Variants in EXOC4 observed in about 807,000 individuals in gnomAD.
EXOC4 encodes the protein exocyst complex component 4, also known as SEC8-like 1.
In EXOC4, 71 loss-of-function variants were observed where a neutral mutation model predicts 107.2. The ratio of observed to expected loss-of-function variants is 0.66; its 90% confidence interval spans 0.55 to 0.81. The LOEUF (loss-of-function observed/expected upper bound fraction) is 0.81, where lower values mean the gene tolerates loss of function less well. Ranked by LOEUF, EXOC4 falls within the 30% of genes least tolerant of loss-of-function variation. EXOC4 has a pLI of 0.00. For synonymous variants in EXOC4, 456 were observed against 441.2 expected, an observed-to-expected ratio of 1.03 and a Z score of -0.42; for missense variants, 1,108 against 1,189.6, an observed-to-expected ratio of 0.93 and a Z score of 1.01.
In EXOC4 at chr7:133,776,101, G is replaced by A. The variant is rs565107251; in HGVS notation, c.1515-41224G>A. Among the ~76,000 whole-genome samples, 4 of 152,254 alleles carry A rather than the reference G, an allele frequency of 2.6e-5. No homozygotes were observed. The East Asian group carries it at 7.7e-4, about 29-fold the overall frequency. On this transcript the variant is annotated intron_variant, in intron 10 of 17. Coordinates refer to ENST00000253861, the MANE Select transcript of EXOC4 (RefSeq NM_021807.4). ...TTTCTAGCTGGGCTAGAAAGCTAAA[G>A]CAAGTAGGGACTTCAAGTTGCAAGC...
At chr7:133,424,271 T>C (rs1185383437) in intron 7 of EXOC4, among the ~76,000 whole-genome samples, 2 of 152,212 alleles carry the variant, frequency 1.3e-5, no homozygotes, top group East Asian at 3.9e-4. Context: ...TCTTATGAGC[T>C]GTAACACTCA....
In EXOC4 at chr7:133,480,030, T is replaced by TC; in HGVS notation, c.1329-16dup. ...ATTGGTTTACACCTGCTTGTCTGTTTCCCCTGTGTTTCTCTGCAGGTTCGA... is the reference window on the plus strand; with the variant it reads ...ATTGGTTTACACCTGCTTGTCTGTTTCCCCCTGTGTTTCTCTGCAGGTTCGA... On this transcript the variant is annotated intron_variant, in intron 8 of 17. Coordinates refer to ENST00000253861, the MANE Select transcript of EXOC4 (RefSeq NM_021807.4). 6.2e-7 allele frequency: 1 copy of TC among 1,607,164 alleles called. No individual in the cohort carries two copies. The highest frequency in any genetic ancestry group is 1.7e-4 in the Middle Eastern group (1 of 6,030).
At chr7:133,628,997 A>C (rs751167764) in intron 9 of EXOC4, among the ~76,000 whole-genome samples, 8 of 152,208 alleles carry the variant, frequency 5.3e-5, no homozygotes, top group Non-Finnish European at 1.2e-4. Context: ...AGGACATTGA[A>C]AACTCTTTAG....
intron 9 of EXOC4, among the ~76,000 whole-genome samples, chr7:133,597,324 C>A (rs1047614427): frequency 6.6e-6 from 1 of 151,714 alleles, no homozygotes; most frequent in Admixed American, 6.6e-5. Flanking sequence ...GAGGCCGAGG[C>A]GGGTGGATCA....
At chr7:134,079,586 G>C in the EXOC4 span, among the ~76,000 whole-genome samples, 1 of 152,186 alleles carries the variant, frequency 6.6e-6, no homozygotes, top group African/African-American at 2.4e-5. Context: ...CCTCTGGAGA[G>C]TGTGTTCTGG....
At chr7:133,445,226 T>G (rs997613259) in intron 7 of EXOC4, among the ~76,000 whole-genome samples, 3 of 152,220 alleles carry the variant, frequency 2.0e-5, no homozygotes, top group Non-Finnish European at 1.5e-5. Context: ...CATAGGTTTC[T>G]GATCTTCAGA....
At chr7:133,438,635 A>T (rs1159685349) in intron 7 of EXOC4, among the ~76,000 whole-genome samples, 3 of 152,170 alleles carry the variant, frequency 2.0e-5, no homozygotes, top group Non-Finnish European at 4.4e-5. Context: ...AGAGCCAAAC[A>T]TCCCAAGTTT....
chr7:133,659,000 C>CTT (rs397890140), intron 10 of EXOC4, among the ~76,000 whole-genome samples: 838 of 40,146 alleles, frequency 0.021, 218 homozygotes, highest in South Asian at 0.068. Context: ...TTCAGAGAAG[C>CTT]TTTTTTTTTT....
At chr7:133,965,700 C>T (rs755628678) in intron 14 of EXOC4, among the ~76,000 whole-genome samples, 9 of 152,100 alleles carry the variant, frequency 5.9e-5, no homozygotes, top group Admixed American at 1.3e-4. Context: ...GTTTTGGTAT[C>T]GGTACCATGC....
At chr7:133,339,781 C>T (rs1171732472) in intron 5 of EXOC4, among the ~76,000 whole-genome samples, 2 of 152,048 alleles carry the variant, frequency 1.3e-5, no homozygotes, top group African/African-American at 2.4e-5. Context: ...TATTGTAAAA[C>T]AGGTTGAGTT....
At chr7:133,410,524 C>A (rs886940531) in intron 7 of EXOC4, among the ~76,000 whole-genome samples, 7 of 152,080 alleles carry the variant, frequency 4.6e-5, no homozygotes, top group Admixed American at 3.9e-4. Context: ...GGGGTTATTT[C>A]ATTATCAGCA....
intron 5 of EXOC4, among the ~76,000 whole-genome samples, chr7:133,355,753 G>A (rs1796007246): frequency 6.6e-6 from 1 of 151,202 alleles, no homozygotes; most frequent in Admixed American, 6.6e-5. Context: ...AAGAAAAATA[G>A]GTTGTTCTTT....
intron 9 of EXOC4, among the ~76,000 whole-genome samples, chr7:133,574,305 A>C (rs550045849): frequency 6.6e-6 from 1 of 152,340 alleles, no homozygotes; most frequent in African/African-American, 2.4e-5. Flanking sequence ...CTATATACAT[A>C]CATGTTTACA....
chr7:133,788,828 G>A (rs1222457190), intron 10 of EXOC4, among the ~76,000 whole-genome samples: 1 of 151,940 alleles, frequency 6.6e-6, no homozygotes, highest in Non-Finnish European at 1.5e-5. Context: ...CATGCAATAG[G>A]CCCTCAACAA....
chr7:134,007,964 A>G lies in EXOC4; in HGVS notation c.2687+129A>G, dbSNP rs574702436. On this transcript the variant is annotated intron_variant, in intron 17 of 17. Coordinates refer to ENST00000253861, the MANE Select transcript of EXOC4 (RefSeq NM_021807.4). Reference sequence around the variant, plus strand: ...TAAAAAAAGAAAGAAGCACAGATAGATGTTTTTAGGTCCTATAGAGAAAAT... The same window carrying G: ...TAAAAAAAGAAAGAAGCACAGATAGGTGTTTTTAGGTCCTATAGAGAAAAT... 6 of 838,086 alleles carry G rather than the reference A, an allele frequency of 7.2e-6. No homozygotes were observed. The Admixed American group carries it at 1.6e-4, about 22-fold the overall frequency. The allele number at this position is 838,086 out of a possible 1,614,324, so 51.9% of individuals were successfully genotyped here. A position where few individuals can be genotyped will look rare whatever the true frequency, so the allele number is the denominator to read the frequency against.
In EXOC4 at chr7:133,356,289, G is replaced by A. The variant is rs770899310; in HGVS notation, c.764-41G>A. ...GACTGCTCTGTTTTGGGGTTTTTGA[G>A]TGGAGTCTGTATCTATTATTGTTAT... On this transcript the variant is annotated intron_variant, in intron 5 of 17. Coordinates refer to ENST00000253861, the MANE Select transcript of EXOC4 (RefSeq NM_021807.4). 1.9e-6 allele frequency: 3 copies of A among 1,599,870 alleles called. No individual in the cohort carries two copies. In the Admixed American group the frequency reaches 5.1e-5, roughly 27 times the overall value.
intron 11 of EXOC4, among the ~76,000 whole-genome samples, chr7:133,833,302 A>G (rs1341498320): frequency 6.6e-6 from 1 of 152,090 alleles, no homozygotes; most frequent in Non-Finnish European, 1.5e-5. Context: ...GAATTGATTA[A>G]TAAGACAAAA....
chr7:133,382,955 G>A (rs919588901), intron 7 of EXOC4, among the ~76,000 whole-genome samples: 1 of 152,156 alleles, frequency 6.6e-6, no homozygotes, highest in Non-Finnish European at 1.5e-5. Flanking sequence ...CATAGTAACG[G>A]GGTGTTATAG....
At chr7:133,888,688 C>T (rs75366836) in intron 11 of EXOC4, among the ~76,000 whole-genome samples, 15,609 of 152,082 alleles carry the variant, frequency 0.1, 889 homozygotes, top group South Asian at 0.17. Flanking sequence ...TTGGACCCTG[C>T]GCCTACAGTG....
Sources: allele counts gnomAD v4.1 joint callset (sites outside exome capture counted in the v4.1 genomes callset), GRCh38; gene constraint gnomAD v4.1.1; transcripts MANE v1.5; gene names NCBI Gene and HGNC (gene_info 2026-07-23, HGNC 2026-07-21).